Variants in FRMPD4 observed in about 807,000 individuals in gnomAD.
The protein encoded by FRMPD4 is FERM and PDZ domain containing 4.
In FRMPD4, 22 loss-of-function variants were observed where a neutral mutation model predicts 94.1. That is an observed-to-expected ratio of 0.23 (90% CI 0.17 to 0.33). The LOEUF (loss-of-function observed/expected upper bound fraction) is 0.33. FRMPD4 is among the 10% of genes least tolerant of loss of function. FRMPD4 has a pLI of 1.00. For synonymous variants in FRMPD4, 631 were observed against 548.6 expected, an observed-to-expected ratio of 1.15 and a Z score of -2.10; for missense variants, 1,111 against 1,339.9, an observed-to-expected ratio of 0.83 and a Z score of 2.67.
At chrX:12,079,417 A>G (rs1007927526) in intron 3 of FRMPD4, among the ~76,000 whole-genome samples, 5 of 111,618 alleles carry the variant, frequency 4.5e-5, no homozygotes, top group Non-Finnish European at 9.4e-5. Flanking sequence ...AACATTAATA[A>G]AAACTCAGAT....
intron 3 of FRMPD4, among the ~76,000 whole-genome samples, chrX:11,980,894 A>C (rs1454774005): frequency 9.0e-6 from 1 of 111,306 alleles, no homozygotes. Flanking sequence ...ACTGATTTTT[A>C]AAATAATTGT....
At chrX:12,415,027 C>T (rs1425657228) in intron 1 of FRMPD4, among the ~76,000 whole-genome samples, 1 of 110,809 alleles carries the variant, frequency 9.0e-6, no homozygotes, top group Non-Finnish European at 1.9e-5. Flanking sequence ...GTCTAGAGTT[C>T]AGGCTGCTGC....
chrX:11,843,714 C>T (rs757642213), intron 1 of FRMPD4, among the ~76,000 whole-genome samples: 42 of 110,742 alleles, frequency 3.8e-4, no homozygotes, highest in African/African-American at 1.4e-3. Flanking sequence ...TGTATGACCA[C>T]ATCCAACTTA....
chrX:11,904,956 C>G (rs758357959), intron 3 of FRMPD4, among the ~76,000 whole-genome samples: 2 of 112,271 alleles, frequency 1.8e-5, no homozygotes, highest in African/African-American at 6.5e-5. Flanking sequence ...AGGGCATTTC[C>G]CCTTCTTCTT....
intron 1 of FRMPD4, among the ~76,000 whole-genome samples, chrX:12,189,427 G>A (rs1344980113): frequency 9.0e-6 from 1 of 111,006 alleles, no homozygotes; most frequent in Admixed American, 9.6e-5. Flanking sequence ...TATGAGGCCG[G>A]CAGTACTCTA....
chrX:12,130,713 G>A (rs188350868), intron 3 of FRMPD4, among the ~76,000 whole-genome samples: 25 of 110,762 alleles, frequency 2.3e-4, no homozygotes, highest in East Asian at 1.1e-3. Context: ...TTCAAGGCTA[G>A]AGCAATTTAT....
At chrX:11,833,959 G>A (rs1397800520) in intron 1 of FRMPD4, among the ~76,000 whole-genome samples, 1 of 111,776 alleles carries the variant, frequency 8.9e-6, no homozygotes, top group East Asian at 2.8e-4. Flanking sequence ...GCCCCAGAAA[G>A]ACTGTGTGGA....
intron 2 of FRMPD4, among the ~76,000 whole-genome samples, chrX:12,598,608 T>C (rs1238054351): frequency 9.0e-6 from 1 of 111,363 alleles, no homozygotes; most frequent in Non-Finnish European, 1.9e-5. Flanking sequence ...TCAGTTCACA[T>C]GTACAAGGCT....
chrX:11,886,453 A>G (rs2053845862), intron 3 of FRMPD4, among the ~76,000 whole-genome samples: 1 of 111,654 alleles, frequency 9.0e-6, no homozygotes, highest in African/African-American at 3.3e-5. Context: ...TCCCCAGGCA[A>G]TTCAATATGT....
At chrX:12,150,249 G>A (rs1352300442) in intron 1 of FRMPD4, among the ~76,000 whole-genome samples, 1 of 111,977 alleles carries the variant, frequency 8.9e-6, no homozygotes, top group African/African-American at 3.2e-5. Flanking sequence ...TCCACATGAT[G>A]TCCAATACTG....
chrX:12,497,767 G>C (rs966644185), intron 1 of FRMPD4, among the ~76,000 whole-genome samples: 1 of 111,440 alleles, frequency 9.0e-6, no homozygotes. Flanking sequence ...GCAGGAAATG[G>C]GCTTGTTTCA....
intron 3 of FRMPD4, chrX:12,054,896 A>G (rs889772901): frequency 1.8e-5 from 2 of 111,869 alleles, no homozygotes; most frequent in Admixed American, 9.5e-5. Context: ...TGAACAGTCA[A>G]TTGAGATAAT....
At chrX:12,450,176 T>C (rs1291049940) in intron 1 of FRMPD4, among the ~76,000 whole-genome samples, 1 of 110,587 alleles carries the variant, frequency 9.0e-6, no homozygotes, top group Non-Finnish European at 1.9e-5. Flanking sequence ...AAAGAAATCA[T>C]AGGGATAAAA....
chrX:12,557,190 C>T (rs947796291), intron 2 of FRMPD4, among the ~76,000 whole-genome samples: 1 of 111,448 alleles, frequency 9.0e-6, no homozygotes, highest in African/African-American at 3.3e-5. Context: ...GTTTATATAC[C>T]ATCTTGAGGT....
At chrX:12,556,973 T>A (rs1333015764) in intron 2 of FRMPD4, among the ~76,000 whole-genome samples, 1 of 111,743 alleles carries the variant, frequency 8.9e-6, no homozygotes, top group Non-Finnish European at 1.9e-5. Context: ...CCTGGCTAAT[T>A]TTTGTATTTT....
chrX:12,198,956 C>T (rs1251097400), intron 1 of FRMPD4, among the ~76,000 whole-genome samples: 5 of 111,864 alleles, frequency 4.5e-5, no homozygotes, highest in Non-Finnish European at 5.6e-5. Context: ...GTTCCTGTAT[C>T]TAAATGAATT....
intron 1 of FRMPD4, among the ~76,000 whole-genome samples, chrX:12,164,869 A>G (rs371810606): frequency 7.2e-5 from 8 of 111,656 alleles, no homozygotes; most frequent in South Asian, 3.7e-4. Context: ...GTCTGTTCAT[A>G]TCCTTCGCCC....
At chrX:12,695,318 T>C (rs1784319393) in intron 9 of FRMPD4, among the ~76,000 whole-genome samples, 1 of 112,430 alleles carries the variant, frequency 8.9e-6, no homozygotes, top group Non-Finnish European at 1.9e-5. Context: ...AAGGTGATGT[T>C]CTCCGAATTC....
At chrX:12,403,131 C>T (rs1439698799) in intron 1 of FRMPD4, among the ~76,000 whole-genome samples, 2 of 111,083 alleles carry the variant, frequency 1.8e-5, no homozygotes, top group African/African-American at 6.6e-5. Flanking sequence ...CAACTCAAAT[C>T]GTGTCATGCC....
Sources: allele counts gnomAD v4.1 joint callset (sites outside exome capture counted in the v4.1 genomes callset), GRCh38; gene constraint gnomAD v4.1.1; transcripts MANE v1.5; gene names NCBI Gene and HGNC (gene_info 2026-07-23, HGNC 2026-07-21).